Variants in SNX9 observed in about 807,000 individuals in gnomAD.
The protein encoded by SNX9 is sorting nexin-9.
Under a neutral mutation model 89.4 loss-of-function variants are expected in SNX9, and 44 were observed. The observed-to-expected ratio is 0.49, with a 90% CI of 0.39 to 0.63. SNX9 has a LOEUF of 0.63. Among genes scored for constraint, SNX9 ranks in the 30% least tolerant of loss-of-function variants. The pLI, the probability that SNX9 is intolerant of heterozygous loss-of-function variation, is 0.00. For synonymous variants in SNX9, 236 were observed against 247.8 expected, an observed-to-expected ratio of 0.95 and a Z score of 0.45; for missense variants, 578 against 736.1, an observed-to-expected ratio of 0.79 and a Z score of 2.49.
intron 5 of SNX9, among the ~76,000 whole-genome samples, chr6:157,898,050 T>TA (rs1437522870): frequency 4.6e-5 from 7 of 152,314 alleles, no homozygotes; most frequent in African/African-American, 1.7e-4. Flanking sequence ...GAACAAAAGA[T>TA]ACACCTTGCA....
intron 4 of SNX9, among the ~76,000 whole-genome samples, chr6:157,887,366 G>A (rs1229568620): frequency 1.3e-5 from 2 of 152,174 alleles, no homozygotes; most frequent in Non-Finnish European, 2.9e-5. Flanking sequence ...TGATTCTTCC[G>A]TGTGTGTCTT....
chr6:157,938,493 G>A (rs1454651524), intron 15 of SNX9, 140 bp from the exon 16 acceptor site: 4 of 563,100 alleles, frequency 7.1e-6, no homozygotes, highest in Non-Finnish European at 9.1e-6. Context: ...AAATTTAGAT[G>A]CTTTCCTCTC....
intron 1 of SNX9, among the ~76,000 whole-genome samples, chr6:157,845,121 T>TTA (rs934855250): frequency 1.3e-5 from 2 of 151,156 alleles, no homozygotes; most frequent in African/African-American, 4.9e-5. Context: ...TTTTTTTTTT[T>TTA]TTTTAAGACG....
At chr6:157,914,245 TG>T (rs747356649) in intron 9 of SNX9, among the ~76,000 whole-genome samples, 2 of 151,934 alleles carry the variant, frequency 1.3e-5, no homozygotes, top group Non-Finnish European at 2.9e-5. Flanking sequence ...TGATGGCGAG[TG>T]GGGTTGAGCA....
At chr6:157,831,193 G>C (rs1417733844) in intron 1 of SNX9, among the ~76,000 whole-genome samples, 1 of 152,114 alleles carries the variant, frequency 6.6e-6, no homozygotes, top group East Asian at 1.9e-4. Flanking sequence ...ATGGTGCTTT[G>C]TTTTCTTGTG....
intron 15 of SNX9, among the ~76,000 whole-genome samples, chr6:157,937,904 T>A (rs910298180): frequency 2.0e-5 from 3 of 152,230 alleles, no homozygotes; most frequent in African/African-American, 2.4e-5. Flanking sequence ...AACTTAAATA[T>A]CATGAAGGGG....
chr6:157,853,975 A>G (rs1887761), intron 1 of SNX9, among the ~76,000 whole-genome samples: 19,146 of 152,220 alleles, frequency 0.13, 1,954 homozygotes, highest in African/African-American at 0.28. Flanking sequence ...CAGTGGTGTG[A>G]GGATTTGAAC....
chr6:157,831,113 A>C (rs1781470589), intron 1 of SNX9, among the ~76,000 whole-genome samples: 1 of 152,196 alleles, frequency 6.6e-6, no homozygotes, highest in Non-Finnish European at 1.5e-5. Context: ...AAGCATGTCA[A>C]AACATTAATA....
intron 2 of SNX9, among the ~76,000 whole-genome samples, chr6:157,868,820 T>C (rs3805767): frequency 0.05 from 7,647 of 152,308 alleles, 216 homozygotes; most frequent in East Asian, 0.11. Flanking sequence ...CTTTGTAAAC[T>C]GAGTAAAACT....
intron 11 of SNX9, among the ~76,000 whole-genome samples, chr6:157,927,648 G>C (rs1783721822): frequency 6.8e-6 from 1 of 147,714 alleles, no homozygotes; most frequent in African/African-American, 2.5e-5. Context: ...TGCAGGGTCA[G>C]TTGAAACTTT....
In SNX9 at chr6:157,876,081, T is replaced by TA. The variant is rs35126081; in HGVS notation, c.300+907dup. Among the ~76,000 whole-genome samples, 816 of 152,294 alleles carry TA rather than the reference T, an allele frequency of 5.4e-3. 7 individuals carry two copies. Among genetic ancestry groups the TA allele is most frequent in the African/African-American group, 0.019 (780 of 41,550 alleles). ...AGATGTTATTTCTTGATTTTTTTTT[T>TA]AACTACATAAAAGGTTTTAAATTCT... On this transcript the variant is annotated intron_variant, in intron 4 of 17. Coordinates refer to ENST00000392185, the MANE Select transcript of SNX9 (RefSeq NM_016224.5).
intron 1 of SNX9, among the ~76,000 whole-genome samples, chr6:157,844,305 AT>A (rs1371300370): frequency 6.6e-6 from 1 of 152,134 alleles, no homozygotes; most frequent in Non-Finnish European, 1.5e-5. Flanking sequence ...TTTAAGGACA[AT>A]TTGGTGGGTG....
chr6:157,944,953 G>A lies in SNX9; in HGVS notation c.*2115G>A, dbSNP rs1250116934. ...CATGGCATATATATCCTTCTCCGGG[G>A]AGTCACATGCACCATTTGGTTCTTA... On this transcript the variant is annotated 3_prime_UTR_variant, in exon 18 of 18. Coordinates refer to ENST00000392185, the MANE Select transcript of SNX9 (RefSeq NM_016224.5). 3 of 152,322 alleles carry A rather than the reference G, an allele frequency of 2.0e-5. No homozygotes were observed. In the East Asian group the frequency reaches 5.8e-4, roughly 29 times the overall value. The allele number at this position is 152,322 out of a possible 1,614,324, so 9.4% of individuals were successfully genotyped here.
At chr6:157,841,684 A>T (rs1781706064) in intron 1 of SNX9, among the ~76,000 whole-genome samples, 1 of 152,014 alleles carries the variant, frequency 6.6e-6, no homozygotes, top group South Asian at 2.1e-4. Context: ...AACTGGGAGG[A>T]GGTGTAGAAC....
At position 157,898,149 on chromosome 6, in the gene SNX9, A is replaced by G. The variant is rs375301456; in HGVS notation, c.472+1151A>G. On this transcript the variant is annotated intron_variant, in intron 5 of 17. Transcript: ENST00000392185. The stretch of plus-strand genomic sequence containing the variant: ...CCAGATGGCTATTTCTTACCTCACA[A>G]TACCACTCTGGGTCATTGAGTTGAA... 3.3e-5 allele frequency among the ~76,000 whole-genome samples: 5 copies of G among 152,220 alleles called. No homozygotes were observed. The East Asian group carries it at 7.7e-4, about 23-fold the overall frequency.
intron 4 of SNX9, among the ~76,000 whole-genome samples, chr6:157,895,270 T>TTTCTAA: frequency 6.6e-6 from 1 of 152,198 alleles, no homozygotes; most frequent in Admixed American, 6.5e-5. Flanking sequence ...GAAGAAAATG[T>TTTCTAA]TTCTAAGGCC....
chr6:157,939,598 C>G (rs1783994372), intron 16 of SNX9, among the ~76,000 whole-genome samples: 1 of 152,118 alleles, frequency 6.6e-6, no homozygotes, highest in Non-Finnish European at 1.5e-5. Context: ...CATTTGCAGG[C>G]TTTTCCAAGG....
At chr6:157,928,910 A>G (rs988180316) in intron 12 of SNX9, among the ~76,000 whole-genome samples, 1 of 152,166 alleles carries the variant, frequency 6.6e-6, no homozygotes, top group Non-Finnish European at 1.5e-5. Flanking sequence ...AAGAAATCTC[A>G]TAGGGAACAC....
intron 4 of SNX9, among the ~76,000 whole-genome samples, chr6:157,879,436 A>G (rs1350332162): frequency 1.3e-5 from 2 of 152,194 alleles, no homozygotes; most frequent in Non-Finnish European, 2.9e-5. Context: ...CACACACACC[A>G]TAGATGCAAA....
Sources: allele counts gnomAD v4.1 joint callset (sites outside exome capture counted in the v4.1 genomes callset), GRCh38; gene constraint gnomAD v4.1.1; transcripts MANE v1.5; gene names NCBI Gene and HGNC (gene_info 2026-07-23, HGNC 2026-07-21).